The following BPIFB1 variants were observed in gnomAD, a reference collection of about 807,000 sequenced individuals.
The protein encoded by BPIFB1 is BPI fold-containing family B member 1.
A neutral mutation model predicts 55.1 loss-of-function variants in BPIFB1; 34 were observed. The observed-to-expected ratio is 0.62, with a 90% CI of 0.47 to 0.82. The LOEUF is 0.82. Ranked by LOEUF, BPIFB1 falls within the 40% of genes least tolerant of loss-of-function variation. The pLI is 0.00. For missense variants in BPIFB1, 532 were observed against 593.1 expected, an observed-to-expected ratio of 0.90 and a Z score of 1.07; for synonymous variants, 236 against 245.3, an observed-to-expected ratio of 0.96 and a Z score of 0.35.
rs145314828 is a variant in BPIFB1 at position 33,302,946 on chromosome 20, G to A, written c.1012G>A (p.Val338Met). ...AADKLGSTQI[V>M]KILTQDTPEF... ...AGATAAGCTGGGATCTACCCAGATCGTGAAGATCCTAACTCAGGACACTCC... is the reference window on the plus strand; with the variant it reads ...AGATAAGCTGGGATCTACCCAGATCATGAAGATCCTAACTCAGGACACTCC... Residue 338 changes from valine to methionine, a missense_variant, in exon 11 of 16, where the codon GTG becomes ATG. By Grantham distance (21) the Val-to-Met change is conservative. Coordinates refer to ENST00000253354, the MANE Select transcript of BPIFB1 (RefSeq NM_033197.3). The A allele has an allele frequency of 8.1e-5, 131 of 1,614,154 alleles. No individual in the cohort carries two copies. In the African/African-American group the frequency reaches 1.5e-3, roughly 19 times the overall value.
In BPIFB1 at chr20:33,288,812, C is replaced by T. The variant is rs201145500; in HGVS notation, c.187C>T (p.Arg63Trp). Residue 63 changes from arginine (R) to tryptophan (W), a missense_variant, in exon 3 of 16, where the codon CGG becomes TGG. Arg to Trp is a moderately radical substitution (Grantham distance 101). Coordinates refer to ENST00000253354, the MANE Select transcript of BPIFB1 (RefSeq NM_033197.3). ...GCAGCTGCCGCTGCTCAGTGCCATGCGGGAAAAGCCAGCCGGAGGCATCCC... is the reference window on the plus strand; with the variant it reads ...GCAGCTGCCGCTGCTCAGTGCCATGTGGGAAAAGCCAGCCGGAGGCATCCC... ...LQQLPLLSAM[R>W]EKPAGGIPVL... 25 of 1,613,974 alleles carry T rather than the reference C, an allele frequency of 1.5e-5. No homozygotes were observed. The highest frequency in any genetic ancestry group is 1.6e-4 in the Middle Eastern group (1 of 6,062).
intron 2 of BPIFB1, 51 bp downstream of exon 2, chr20:33,286,239 G>A (rs1980263751): frequency 6.6e-7 from 1 of 1,517,196 alleles, no homozygotes; most frequent in African/African-American, 1.4e-5. Context: ...GGGGTAGGTG[G>A]AGCAGCTTCC....
At chr20:33,289,752 G>A (rs1980394265) in intron 3 of BPIFB1, 133 bp from the exon 4 acceptor site, 6 of 724,866 alleles carry the variant, frequency 8.3e-6, no homozygotes, top group Admixed American at 2.0e-5. Context: ...ACCATCTGGA[G>A]AGGAGTCGGT....
In BPIFB1 at chr20:33,309,562, C is replaced by T. The variant is rs949058429; in HGVS notation, c.1396-146C>T. ...ATGTTCACACACAGACCCTCCACCC[C>T]GACCCTTCTAAGAATTCTGTATTTG... On this transcript the variant is annotated intron_variant, in intron 15 of 15. Coordinates refer to ENST00000253354, the MANE Select transcript of BPIFB1 (RefSeq NM_033197.3). The surrounding 1 kb of genome is among the most constrained non-coding windows in gnomAD (Gnocchi z 4.4). 1.3e-5 allele frequency: 9 copies of T among 710,146 alleles called. No individual in the cohort carries two copies. Among genetic ancestry groups the T allele is most frequent in the African/African-American group, 5.3e-5 (3 of 56,234 alleles). 44.0% of individuals were successfully genotyped at this position (710,146 alleles called of 1,614,324 possible). A position where few individuals can be genotyped will look rare whatever the true frequency, so the allele number is the denominator to read the frequency against.
At chr20:33,301,892 T>C (rs1395182575) in intron 9 of BPIFB1, among the ~76,000 whole-genome samples, 5 of 152,088 alleles carry the variant, frequency 3.3e-5, no homozygotes, top group African/African-American at 9.7e-5. Flanking sequence ...AACTATGTTG[T>C]GCCACCTCCT....
At chr20:33,288,500 T>C (rs951031322) in intron 2 of BPIFB1, among the ~76,000 whole-genome samples, 10 of 151,964 alleles carry the variant, frequency 6.6e-5, no homozygotes, top group African/African-American at 2.4e-4. Context: ...TGCTCAGGGG[T>C]GTGAATGGTC....
chr20:33,287,238 G>T (rs1980298558), intron 2 of BPIFB1, among the ~76,000 whole-genome samples: 1 of 152,218 alleles, frequency 6.6e-6, no homozygotes, highest in African/African-American at 2.4e-5. Flanking sequence ...ACAAGTGGTT[G>T]GTTTTGAAGG....
chr20:33,291,506 A>G (rs1980471416), intron 5 of BPIFB1, among the ~76,000 whole-genome samples: 1 of 152,116 alleles, frequency 6.6e-6, no homozygotes, highest in Non-Finnish European at 1.5e-5. Flanking sequence ...CACTTTCCTC[A>G]CCCGTAAAGT....
chr20:33,301,802 T>G (rs560137451), intron 9 of BPIFB1, among the ~76,000 whole-genome samples: 2 of 152,206 alleles, frequency 1.3e-5, no homozygotes, highest in African/African-American at 4.8e-5. Context: ...CGATCAAGGC[T>G]CTCCTTTCTA....
chr20:33,292,600 G>C lies in BPIFB1; in HGVS notation c.597+612G>C, dbSNP rs59169647. Among the ~76,000 whole-genome samples, 900 of 152,300 alleles carry C rather than the reference G, an allele frequency of 5.9e-3. 13 individuals are homozygous for C. The highest frequency in any genetic ancestry group is 0.02 in the African/African-American group (823 of 41,552). ...AGAAATTTGTGGAAATTTAACAATT[G>C]GTTCTCAAAAGCTAGTACAAGCTGG... is the stretch of plus-strand genomic sequence containing the variant. On this transcript the variant is annotated intron_variant, in intron 6 of 15. Transcript: ENST00000253354.
chr20:33,299,151 G>C (rs1005795413), intron 7 of BPIFB1: 1 of 456,738 alleles, frequency 2.2e-6, no homozygotes, highest in Middle Eastern at 3.3e-4. Context: ...GACCAGCCAA[G>C]GTCACTGGGG....
At chr20:33,284,035 G>GT (rs1980186422) in intron 1 of BPIFB1, among the ~76,000 whole-genome samples, 1 of 152,138 alleles carries the variant, frequency 6.6e-6, no homozygotes, top group Non-Finnish European at 1.5e-5. Flanking sequence ...GCTGCAAGGT[G>GT]TCTCCTTCTG....
intron 6 of BPIFB1, 143 bp downstream of exon 6, chr20:33,292,131 G>C: frequency 1.3e-6 from 1 of 774,916 alleles, no homozygotes; most frequent in Non-Finnish European, 2.1e-6. Flanking sequence ...ATAGCAAAGA[G>C]TCATGGAGTG....
At chr20:33,284,764 CTG>C (rs1219634886) in intron 1 of BPIFB1, among the ~76,000 whole-genome samples, 2 of 152,126 alleles carry the variant, frequency 1.3e-5, no homozygotes, top group Non-Finnish European at 2.9e-5. Flanking sequence ...GAGCTCAGGA[CTG>C]GACTACAGAT....
intron 9 of BPIFB1, among the ~76,000 whole-genome samples, chr20:33,301,700 G>A (rs561776424): frequency 1.3e-5 from 2 of 152,322 alleles, no homozygotes; most frequent in South Asian, 2.1e-4. Flanking sequence ...AGTAGTCCAG[G>A]GGTGATAAAT....
At chr20:33,304,184 T>C (rs901367150) in intron 12 of BPIFB1, among the ~76,000 whole-genome samples, 159 bp downstream of exon 12, 7 of 152,096 alleles carry the variant, frequency 4.6e-5, no homozygotes, top group African/African-American at 1.7e-4. Flanking sequence ...AAGGACTGCA[T>C]GTGAGGGAAT....
At chr20:33,303,107 C>T in intron 11 of BPIFB1, 33 bp downstream of exon 11, 13 of 1,609,846 alleles carry the variant, frequency 8.1e-6, no homozygotes, top group Non-Finnish European at 1.1e-5. Context: ...TTGGCAGCAA[C>T]CAGGGGGACC....
chr20:33,299,792 C>T (rs1980786638), intron 7 of BPIFB1, 107 bp from the exon 8 acceptor site: 1 of 831,792 alleles, frequency 1.2e-6, no homozygotes, highest in African/African-American at 1.7e-5. Context: ...CTCCTCCCTA[C>T]CTGCCCCCCC....
Position 33,284,477 on chromosome 20 carries a change from C to G in BPIFB1, c.-42+1223C>G, listed in dbSNP as rs548702796. ...TGCCAGGGACACAGCAGGGAGCAGG[C>G]AGACCCAGCCCTCCCTCCCAGAGCT... On this transcript the variant is annotated intron_variant, in intron 1 of 15. Coordinates refer to ENST00000253354, the MANE Select transcript of BPIFB1 (RefSeq NM_033197.3). Among the ~76,000 whole-genome samples the G allele has an allele frequency of 3.0e-4, 46 of 152,260 alleles. 1 individual carries two copies. The South Asian group carries it at 8.9e-3, about 30-fold the overall frequency.
Sources: allele counts gnomAD v4.1 joint callset (sites outside exome capture counted in the v4.1 genomes callset), GRCh38; gene constraint gnomAD v4.1.1; non-coding constraint Gnocchi (gnomAD v3.1); transcripts MANE v1.5; gene names NCBI Gene and HGNC (gene_info 2026-07-23, HGNC 2026-07-21).